Variants in AKAP6 observed in about 807,000 individuals in gnomAD.
AKAP6 encodes A-kinase anchoring protein 6.
AKAP6 carries 58 observed loss-of-function variants against 188.5 expected under a neutral mutation model. That is an observed-to-expected ratio of 0.31 (90% CI 0.25 to 0.38). AKAP6 has a LOEUF of 0.38. Among genes scored for constraint, AKAP6 ranks in the 10% least tolerant of loss-of-function variants. AKAP6 has a pLI of 1.00. For missense variants in AKAP6, 2,710 were observed against 2,740.0 expected (o/e 0.99, Z 0.24); for synonymous variants, 989 against 998.6 (o/e 0.99, Z 0.18).
At chr14:32,576,325 C>T (rs1884716617) in intron 4 of AKAP6, among the ~76,000 whole-genome samples, 1 of 152,110 alleles carries the variant, frequency 6.6e-6, no homozygotes, top group African/African-American at 2.4e-5. Context: ...AGCCCAGCCC[C>T]ATTTCTTTCA....
intron 4 of AKAP6, among the ~76,000 whole-genome samples, chr14:32,556,269 C>T (rs1219496830): frequency 6.6e-6 from 1 of 152,126 alleles, no homozygotes; most frequent in Non-Finnish European, 1.5e-5. Flanking sequence ...GGAGAAATGT[C>T]ACATCCATTA....
At chr14:32,699,990 C>T (rs562595744) in intron 9 of AKAP6, among the ~76,000 whole-genome samples, 13 of 152,222 alleles carry the variant, frequency 8.5e-5, no homozygotes, top group African/African-American at 2.6e-4. Flanking sequence ...TATTTAAAAC[C>T]CACTTGTGAA....
chr14:32,742,254 T>A (rs2031712801), intron 11 of AKAP6, among the ~76,000 whole-genome samples: 1 of 151,956 alleles, frequency 6.6e-6, no homozygotes, highest in Admixed American at 6.6e-5. Context: ...TTTATTTGGA[T>A]CTTCTCTCTT....
chr14:32,808,620 G>A (rs2034147700), intron 12 of AKAP6, among the ~76,000 whole-genome samples: 1 of 152,074 alleles, frequency 6.6e-6, no homozygotes, highest in Non-Finnish European at 1.5e-5. Context: ...CTTGTTTTAC[G>A]GTCCGAAAGA....
At chr14:32,496,702 T>C (rs545976090) in intron 2 of AKAP6, among the ~76,000 whole-genome samples, 2 of 152,276 alleles carry the variant, frequency 1.3e-5, no homozygotes, top group East Asian at 3.9e-4. Context: ...TCAGGAATTA[T>C]TAGCTTGAAC....
intron 2 of AKAP6, among the ~76,000 whole-genome samples, chr14:32,504,126 C>A (rs2138993885): frequency 6.6e-6 from 1 of 151,994 alleles, no homozygotes; most frequent in African/African-American, 2.4e-5. Flanking sequence ...AAGTTTTCTT[C>A]ATTTAGGTCT....
intron 12 of AKAP6, among the ~76,000 whole-genome samples, chr14:32,800,057 CTCTCTATA>C (rs2033890633): frequency 9.5e-6 from 1 of 104,848 alleles, no homozygotes; most frequent in Admixed American, 9.7e-5. Context: ...CTCTCTCTCT[CTCTCTATA>C]TATATAGAAA....
intron 7 of AKAP6, among the ~76,000 whole-genome samples, chr14:32,622,582 T>C (rs1406186578): frequency 6.6e-6 from 1 of 152,148 alleles, no homozygotes; most frequent in African/African-American, 2.4e-5. Flanking sequence ...CCTCTCTCCC[T>C]CCCTCAAAGG....
intron 2 of AKAP6, among the ~76,000 whole-genome samples, chr14:32,527,429 G>A (rs1236126209): frequency 6.6e-6 from 1 of 152,158 alleles, no homozygotes; most frequent in African/African-American, 2.4e-5. Flanking sequence ...ACATCTGTGT[G>A]CAGGTTTTTC....
intron 1 of AKAP6, among the ~76,000 whole-genome samples, chr14:32,421,263 C>T (rs1329039105): frequency 2.0e-5 from 3 of 152,050 alleles, no homozygotes; most frequent in African/African-American, 4.8e-5. Flanking sequence ...ATTTCATTGA[C>T]GATTCCTCCT....
intron 12 of AKAP6, among the ~76,000 whole-genome samples, chr14:32,798,135 AT>A (rs1044452433): frequency 1.3e-5 from 2 of 152,216 alleles, no homozygotes; most frequent in African/African-American, 4.8e-5. Flanking sequence ...CAACAAACAT[AT>A]GAAAAAGTGT....
intron 1 of AKAP6, among the ~76,000 whole-genome samples, chr14:32,400,427 T>C (rs1889045557): frequency 6.6e-6 from 1 of 151,810 alleles, no homozygotes; most frequent in African/African-American, 2.4e-5. Context: ...CAGATTTCTC[T>C]TTTTGTTGGG....
intron 2 of AKAP6, among the ~76,000 whole-genome samples, chr14:32,482,025 T>A (rs1951198): frequency 0.69 from 105,342 of 152,020 alleles, 37,438 homozygotes; most frequent in East Asian, 0.89. Flanking sequence ...TCAAAGTTCC[T>A]TATGTGGGTG....
intron 4 of AKAP6, among the ~76,000 whole-genome samples, chr14:32,559,783 C>CT (rs35914295): frequency 0.028 from 3,284 of 119,044 alleles, 88 homozygotes; most frequent in African/African-American, 0.067. Flanking sequence ...TAAGCCTAAT[C>CT]TTTTTTTTTT....
At chr14:32,349,155 A>G (rs1887174337) in intron 1 of AKAP6, among the ~76,000 whole-genome samples, 1 of 152,246 alleles carries the variant, frequency 6.6e-6, no homozygotes, top group African/African-American at 2.4e-5. Context: ...CTGTAGGGCA[A>G]TGGCCATTTC....
At chr14:32,717,410 G>A (rs2030271061) in intron 9 of AKAP6, among the ~76,000 whole-genome samples, 1 of 151,970 alleles carries the variant, frequency 6.6e-6, no homozygotes, top group South Asian at 2.1e-4. Flanking sequence ...TTCCTTTTCT[G>A]CAATGCTGTT....
intron 2 of AKAP6, among the ~76,000 whole-genome samples, chr14:32,474,838 C>T (rs1878973257): frequency 6.6e-6 from 1 of 152,108 alleles, no homozygotes; most frequent in Non-Finnish European, 1.5e-5. Flanking sequence ...TGTTTATTTG[C>T]TATTTGCTTT....
chr14:32,732,629 G>A (rs1333017158), intron 10 of AKAP6, 29 bp downstream of exon 10: 4 of 1,610,580 alleles, frequency 2.5e-6, no homozygotes, highest in Non-Finnish European at 3.4e-6. Flanking sequence ...CTGTTTGTAG[G>A]TTATGTGTAC....
In AKAP6 at chr14:32,505,568, G is replaced by A. The variant is rs533755312; in HGVS notation, c.325-29986G>A. On this transcript the variant is annotated intron_variant, in intron 2 of 13. Coordinates refer to ENST00000280979, the MANE Select transcript of AKAP6 (RefSeq NM_004274.5). ...GAACAATGCTGTGCCAAGCCATATT[G>A]GAGCCTAAGCCAAAAGGGAAAATTA... 2.0e-5 allele frequency among the ~76,000 whole-genome samples: 3 copies of A among 152,144 alleles called. No homozygotes were observed. In the South Asian group the frequency reaches 6.2e-4, roughly 32 times the overall value.
Sources: gnomAD v4.1 joint callset for allele counts (sites outside exome capture counted in the v4.1 genomes callset) on GRCh38, gnomAD v4.1.1 for gene constraint, MANE v1.5 for transcripts, NCBI Gene and HGNC (gene_info 2026-07-23, HGNC 2026-07-21) for gene names.